The following HEXA variants were observed in gnomAD, a reference collection of about 807,000 sequenced individuals.
The protein encoded by HEXA is hexosaminidase subunit alpha.
In HEXA, 54 loss-of-function variants were observed where a neutral mutation model predicts 73.3. The ratio of observed to expected loss-of-function variants is 0.74; its 90% CI spans 0.59 to 0.92. The LOEUF is 0.92. Ranked by LOEUF, HEXA falls within the 40% of genes least tolerant of loss-of-function variation. HEXA has a pLI of 0.00. For missense variants in HEXA, 649 were observed against 653.0 expected, an observed-to-expected ratio of 0.99 and a Z score of 0.07; for synonymous variants, 230 against 246.9, an observed-to-expected ratio of 0.93 and a Z score of 0.64.
intron 2 of HEXA, chr15:72,355,919 C>A: frequency 1.9e-6 from 1 of 518,020 alleles, no homozygotes; most frequent in Non-Finnish European, 3.7e-6. Flanking sequence ...CCTCATGGGT[C>A]AGTTTCCACA....
intron 1 of HEXA, among the ~76,000 whole-genome samples, chr15:72,362,218 C>T (rs2088860422): frequency 6.6e-6 from 1 of 152,198 alleles, no homozygotes; most frequent in African/African-American, 2.4e-5. Flanking sequence ...CACATCTCCC[C>T]TAATTAAGAA....
chr15:72,358,530 G>A (rs987962454), intron 1 of HEXA: 1 of 152,068 alleles, frequency 6.6e-6, no homozygotes, highest in African/African-American at 2.4e-5. Context: ...GTAGTCTTTT[G>A]GAGAGTCACA....
At chr15:72,366,858 T>G (rs2114208) in intron 1 of HEXA, among the ~76,000 whole-genome samples, 1 of 152,076 alleles carries the variant, frequency 6.6e-6, no homozygotes, top group Non-Finnish European at 1.5e-5. Context: ...ACTGTTTGCT[T>G]GATACCTCAT....
intron 1 of HEXA, 152 bp downstream of exon 1, chr15:72,375,568 A>G (rs1427477235): frequency 1.8e-5 from 14 of 795,026 alleles, no homozygotes; most frequent in Non-Finnish European, 2.8e-5. Context: ...TTATCTTTGG[A>G]TGAAAACCTA....
At chr15:72,369,271 A>G (rs1032235311) in intron 1 of HEXA, among the ~76,000 whole-genome samples, 6 of 152,262 alleles carry the variant, frequency 3.9e-5, no homozygotes, top group African/African-American at 1.4e-4. Context: ...TTTCTGTATT[A>G]CAATGGACTG....
Position 72,346,668 on chromosome 15 carries a change from G to T in HEXA, c.1189C>A (p.Pro397Thr), listed in dbSNP as rs778878211. The part of the protein sequence containing the change: ...TIIQVWREDI[P>T]VNYMKELELV... Reference sequence around the variant, plus strand: ...TCCAGCTCCTTCATATAGTTCACTGGAATATCCTCTCGCCACACCTGTATG... The same window carrying T: ...TCCAGCTCCTTCATATAGTTCACTGTAATATCCTCTCGCCACACCTGTATG... Residue 397 changes from proline (P) to threonine (T), a missense_variant, in exon 11 of 14, where the codon CCA becomes ACA. Pro to Thr is a conservative substitution (Grantham distance 38). Transcript: ENST00000268097. The T allele has an allele frequency of 1.5e-5, 24 of 1,614,002 alleles. No homozygotes were observed. The highest frequency in any genetic ancestry group is 2.0e-5 in the Non-Finnish European group (24 of 1,180,032).
intron 1 of HEXA, chr15:72,360,565 C>T (rs2088840114): frequency 6.6e-6 from 1 of 152,214 alleles, no homozygotes; most frequent in East Asian, 1.9e-4. Flanking sequence ...AATTATTTCC[C>T]CTTTTCCCAA....
At chr15:72,361,862 C>T (rs1157779316) in intron 1 of HEXA, among the ~76,000 whole-genome samples, 1 of 152,216 alleles carries the variant, frequency 6.6e-6, no homozygotes, top group African/African-American at 2.4e-5. Context: ...TTAATTCAGC[C>T]TCTTGTAATT....
In HEXA at chr15:72,343,784, C is replaced by T. The variant is rs545085202; in HGVS notation, c.*293G>A. ...AAGGCTATAGGTTTCATTCCCAGCC[C>T]TCAACTTAAAAGACCTCAGGGGCAG... On this transcript the variant is annotated 3_prime_UTR_variant, in exon 14 of 14. Transcript: ENST00000268097. 2.5e-6 allele frequency: 1 copy of T among 403,542 alleles called. No homozygotes were observed. Among genetic ancestry groups the T allele is most frequent in the Non-Finnish European group, 4.7e-6 (1 of 212,352 alleles). The allele number at this position is 403,542 out of a possible 1,614,324, so 25.0% of individuals were successfully genotyped here.
At chr15:72,358,786 G>C (rs1031619355) in intron 1 of HEXA, 1 of 152,370 alleles carries the variant, frequency 6.6e-6, no homozygotes, top group Non-Finnish European at 1.5e-5. Flanking sequence ...AGCAACATGA[G>C]AGCTGGCAAA....
intron 10 of HEXA, 96 bp downstream of exon 10, chr15:72,347,590 A>C (rs887059078): frequency 2.4e-5 from 24 of 1,012,444 alleles, no homozygotes; most frequent in Non-Finnish European, 3.8e-5. Flanking sequence ...GCCCAATCCA[A>C]ACCAGGAGGA....
intron 7 of HEXA, among the ~76,000 whole-genome samples, chr15:72,349,880 C>T (rs371752208): frequency 9.5e-4 from 145 of 152,290 alleles, no homozygotes; most frequent in African/African-American, 3.3e-3. Flanking sequence ...TCTCCTGCCT[C>T]AGCCTCCCGA....
intron 4 of HEXA, 109 bp from the exon 5 acceptor site, chr15:72,353,287 G>A (rs2088727162): frequency 2.7e-6 from 2 of 738,984 alleles, no homozygotes; most frequent in Admixed American, 2.0e-5. Flanking sequence ...ATCTGTGACT[G>A]TTCTCAGGGT....
At chr15:72,352,606 G>T (rs1429492455) in intron 5 of HEXA, among the ~76,000 whole-genome samples, 1 of 151,804 alleles carries the variant, frequency 6.6e-6, no homozygotes, top group Non-Finnish European at 1.5e-5. Flanking sequence ...GTTATTTTTT[G>T]AGTCTTGGAG....
chr15:72,349,299 A>C, intron 7 of HEXA, 40 bp from the exon 8 acceptor site: 1 of 1,499,342 alleles, frequency 6.7e-7, no homozygotes, highest in Non-Finnish European at 9.3e-7. Flanking sequence ...TCACAAATAC[A>C]TAAACCCCCA....
At chr15:72,368,857 A>G (rs2088950561) in intron 1 of HEXA, among the ~76,000 whole-genome samples, 1 of 152,230 alleles carries the variant, frequency 6.6e-6, no homozygotes, top group Non-Finnish European at 1.5e-5. Context: ...TAGTTACAAC[A>G]AGGACAAGGT....
At chr15:72,364,507 A>G (rs944879106) in intron 1 of HEXA, among the ~76,000 whole-genome samples, 1 of 152,164 alleles carries the variant, frequency 6.6e-6, no homozygotes, top group Non-Finnish European at 1.5e-5. Context: ...TTTTAGTATT[A>G]TAAACAACAC....
chr15:72,369,884 T>C (rs1010896449), intron 1 of HEXA: 1 of 152,114 alleles, frequency 6.6e-6, no homozygotes, highest in South Asian at 2.1e-4. Context: ...AACCTTCCAA[T>C]GCTATGCTTC....
intron 3 of HEXA, chr15:72,355,021 G>A (rs1431739402): frequency 1.2e-5 from 2 of 164,118 alleles, no homozygotes; most frequent in Non-Finnish European, 2.7e-5. Flanking sequence ...AGCAAGAGCT[G>A]GACAGACAGT....
Sources: gnomAD v4.1 joint callset for allele counts (sites outside exome capture counted in the v4.1 genomes callset) on GRCh38, gnomAD v4.1.1 for gene constraint, MANE v1.5 for transcripts, NCBI Gene and HGNC (gene_info 2026-07-23, HGNC 2026-07-21) for gene names.